GNPTAB: variants seen among roughly 807,000 people sequenced by gnomAD.
GNPTAB encodes N-acetylglucosamine-1-phosphate transferase subunits alpha and beta.
A neutral mutation model predicts 136.6 loss-of-function variants in GNPTAB; 92 were observed. The observed-to-expected ratio is 0.67, with a 90% CI of 0.57 to 0.80. The LOEUF is 0.80. Among genes scored for constraint, GNPTAB ranks in the 30% least tolerant of loss-of-function variants. The pLI, the probability that GNPTAB is intolerant of heterozygous loss-of-function variation, is 0.00. For synonymous variants in GNPTAB, 512 were observed against 535.1 expected (o/e 0.96, Z 0.60); for missense variants, 1,343 against 1,501.8 (o/e 0.89, Z 1.75).
Position 101,765,135 on chromosome 12 carries a change from C to T in GNPTAB, c.1782G>A (p.Lys594=). The T allele has an allele frequency of 1.2e-6, 2 of 1,614,158 alleles. No homozygotes were observed. Among genetic ancestry groups the T allele is most frequent in the East Asian group, 2.2e-5 (1 of 44,882 alleles). ...GCATTATGAGGTGGATGGTTTTCCA[C>T]TTGTTGGCAATAGAAGCATGTCGAA... is the stretch of plus-strand genomic sequence containing the variant. The part of the protein sequence containing the change: ...PIIRHASIAN[K]WKTIHLIMHS... Residue 594 remains lysine (K), a synonymous_variant, in exon 13 of 21, where the codon AAG becomes AAA. Transcript: ENST00000299314.
chr12:101,800,762 A>AG (rs975092285), intron 1 of GNPTAB, among the ~76,000 whole-genome samples: 3 of 152,038 alleles, frequency 2.0e-5, no homozygotes, highest in Non-Finnish European at 4.4e-5. Context: ...TGGGTGACAG[A>AG]GTGAGACTCC....
At chr12:101,823,772 T>C (rs753010005) in intron 1 of GNPTAB, among the ~76,000 whole-genome samples, 7 of 152,230 alleles carry the variant, frequency 4.6e-5, no homozygotes, top group Non-Finnish European at 5.9e-5. Flanking sequence ...CTGAAAGATT[T>C]ATAACGGCAC....
intron 10 of GNPTAB, 92 bp from the exon 11 acceptor site, chr12:101,768,252 G>A (rs1953123352): frequency 1.4e-6 from 2 of 1,428,480 alleles, no homozygotes; most frequent in Non-Finnish European, 9.7e-7. Flanking sequence ...AAGAAATTAA[G>A]TCTCTAGAAA....
At chr12:101,790,811 A>C (rs1868944648) in intron 2 of GNPTAB, among the ~76,000 whole-genome samples, 1 of 151,308 alleles carries the variant, frequency 6.6e-6, no homozygotes, top group South Asian at 2.1e-4. Flanking sequence ...AACCCTACTT[A>C]ATGCTGTAGC....
At chr12:101,779,574 G>A (rs1236988521) in intron 7 of GNPTAB, 1 of 155,350 alleles carries the variant, frequency 6.4e-6, no homozygotes, top group East Asian at 1.9e-4. Flanking sequence ...CCCTCAATTA[G>A]TTACTAATGA....
At chr12:101,779,844 G>A (rs544244402) in intron 7 of GNPTAB, 35 of 400,918 alleles carry the variant, frequency 8.7e-5, no homozygotes, top group African/African-American at 3.7e-4. Context: ...GAACGCACCC[G>A]ATCTTGTCTG....
chr12:101,764,372 CT>C lies in GNPTAB; in HGVS notation c.2544del (p.Glu849LysfsTer22), dbSNP rs281864995. On this transcript the variant is annotated frameshift_variant, in exon 13 of 21. Transcript: ENST00000299314. LOFTEE classifies it high-confidence loss of function. ...LIVPLESQMT[K>X]EKKITGKEKE... ...TTTTCTTTCCCTGTGATTTTCTTTTCTTTTGTCATCTGGCTTTCCAGTGGAA... is the reference window on the plus strand; with the variant it reads ...TTTTCTTTCCCTGTGATTTTCTTTTCTTTGTCATCTGGCTTTCCAGTGGAA... The C allele has an allele frequency of 6.2e-7, 1 of 1,613,924 alleles. No individual in the cohort carries two copies. Among genetic ancestry groups the C allele is most frequent in the East Asian group, 2.2e-5 (1 of 44,876 alleles).
chr12:101,796,280 G>A (rs1390107356), intron 2 of GNPTAB: 6 of 702,336 alleles, frequency 8.5e-6, no homozygotes, highest in African/African-American at 1.7e-5. Context: ...GACAGAAAAT[G>A]CAATCATGCA....
chr12:101,794,691 T>C (rs780487232), intron 2 of GNPTAB, among the ~76,000 whole-genome samples: 5 of 152,090 alleles, frequency 3.3e-5, no homozygotes, highest in Non-Finnish European at 7.3e-5. Context: ...CTTCTAAACT[T>C]CTTTAGAAAG....
chr12:101,811,383 CTT>C (rs11356611), intron 1 of GNPTAB, among the ~76,000 whole-genome samples: 5,650 of 142,580 alleles, frequency 0.04, 389 homozygotes, highest in East Asian at 0.32. Context: ...ATAATTTTTT[CTT>C]TTTTTTTTTT....
chr12:101,749,821 C>A (rs1008547994), intron 19 of GNPTAB, among the ~76,000 whole-genome samples: 2 of 152,144 alleles, frequency 1.3e-5, no homozygotes, highest in South Asian at 2.1e-4. Context: ...TGAATCCATG[C>A]GGCAGCATGG....
chr12:101,756,355 T>C lies in GNPTAB; in HGVS notation c.3434+857A>G, dbSNP rs559681633. 2.6e-5 allele frequency: 5 copies of C among 194,762 alleles called. No individual in the cohort carries two copies. In the South Asian group the frequency reaches 3.1e-4, roughly 12 times the overall value. 12.1% of individuals were successfully genotyped at this position (194,762 alleles called of 1,614,324 possible). On this transcript the variant is annotated intron_variant, in intron 18 of 20. Coordinates refer to ENST00000299314, the MANE Select transcript of GNPTAB (RefSeq NM_024312.5). ...CTTTGATTATTTATAATTAAAATCC[T>C]AATTTCAGTGAGGTAAAACTAAAGA...
intron 20 of GNPTAB, 84 bp downstream of exon 20, chr12:101,749,017 A>G: frequency 1.2e-6 from 1 of 823,086 alleles, no homozygotes; most frequent in South Asian, 1.4e-5. Context: ...TTTGATTGTA[A>G]ATGTGTATCA....
At chr12:101,752,302 G>A (rs912572082) in intron 19 of GNPTAB, among the ~76,000 whole-genome samples, 1 of 152,160 alleles carries the variant, frequency 6.6e-6, no homozygotes, top group African/African-American at 2.4e-5. Context: ...GCATATGCCT[G>A]TAATTCCAGC....
At chr12:101,767,581 C>T (rs1445704508) in intron 11 of GNPTAB, among the ~76,000 whole-genome samples, 1 of 152,120 alleles carries the variant, frequency 6.6e-6, no homozygotes, top group Non-Finnish European at 1.5e-5. Flanking sequence ...TAAACTGGGC[C>T]ACATGAGGGC....
chr12:101,808,482 T>C (rs1870052891), intron 1 of GNPTAB, among the ~76,000 whole-genome samples: 1 of 151,576 alleles, frequency 6.6e-6, no homozygotes, highest in Non-Finnish European at 1.5e-5. Context: ...GTGGAGGCTA[T>C]AGTGAGTCGT....
intron 19 of GNPTAB, among the ~76,000 whole-genome samples, chr12:101,751,947 C>T (rs1215013067): frequency 6.7e-6 from 1 of 150,182 alleles, no homozygotes; most frequent in Non-Finnish European, 1.5e-5. Context: ...GGACCTACTA[C>T]AGAGTTGTTA....
At chr12:101,808,754 C>G (rs1433783729) in intron 1 of GNPTAB, among the ~76,000 whole-genome samples, 1 of 152,150 alleles carries the variant, frequency 6.6e-6, no homozygotes, top group African/African-American at 2.4e-5. Flanking sequence ...CGAGACCAGC[C>G]TGGCCAACAT....
At chr12:101,808,593 T>G (rs1870062589) in intron 1 of GNPTAB, among the ~76,000 whole-genome samples, 3 of 152,160 alleles carry the variant, frequency 2.0e-5, no homozygotes, top group Admixed American at 6.5e-5. Flanking sequence ...GGTAACTTTT[T>G]GGATACAACA....
Sources: allele counts gnomAD v4.1 joint callset (sites outside exome capture counted in the v4.1 genomes callset), GRCh38; gene constraint gnomAD v4.1.1; transcripts MANE v1.5; gene names NCBI Gene and HGNC (gene_info 2026-07-23, HGNC 2026-07-21).